The following EFHB variants were observed in gnomAD, a reference collection of about 807,000 sequenced individuals.
EFHB encodes EF-hand domain family member B, also known as EF-hand domain-containing family member B.
Under a neutral mutation model 87.2 loss-of-function variants are expected in EFHB, and 91 were observed. The observed-to-expected ratio is 1.04, with a 90% CI of 0.88 to 1.24. EFHB has a LOEUF of 1.24. EFHB is among the 50% of genes most tolerant of loss of function. EFHB has a pLI of 0.00. For missense variants in EFHB, 1,084 were observed against 998.8 expected (o/e 1.09, Z -1.15); for synonymous variants, 325 against 333.6 (o/e 0.97, Z 0.28).
At chr3:19,922,194 A>T (rs1307548342) in intron 1 of EFHB, among the ~76,000 whole-genome samples, 1 of 152,138 alleles carries the variant, frequency 6.6e-6, no homozygotes, top group African/African-American at 2.4e-5. Flanking sequence ...TTATGAAGGG[A>T]ATCAGAATAT....
intron 1 of EFHB, chr3:19,941,012 C>A (rs1696145912): frequency 1.6e-5 from 5 of 316,910 alleles, no homozygotes; most frequent in Non-Finnish European, 2.4e-5. Context: ...AGCAACAAAT[C>A]TTGAGCATTT....
At position 19,894,995 on chromosome 3, in the gene EFHB, T is replaced by A. The variant is rs1312629803; in HGVS notation, c.1725+1692A>T. 4.6e-4 allele frequency: 67 copies of A among 146,296 alleles called. 1 individual carries two copies. The highest frequency in any genetic ancestry group is 1.5e-3 in the African/African-American group (60 of 39,782). 9.1% of individuals were successfully genotyped at this position (146,296 alleles called of 1,614,324 possible). A position where few individuals can be genotyped will look rare whatever the true frequency, so the allele number is the denominator to read the frequency against. ...GCAAGACTTTGTCTCAAAAAATATA[T>A]ATATGTATATATAAAAATATATAGT... On this transcript the variant is annotated intron_variant, in intron 9 of 12. Coordinates refer to ENST00000295824, the MANE Select transcript of EFHB (RefSeq NM_144715.4).
chr3:19,943,678 T>G (rs553811631), intron 1 of EFHB, among the ~76,000 whole-genome samples: 1 of 152,230 alleles, frequency 6.6e-6, no homozygotes, highest in Non-Finnish European at 1.5e-5. Context: ...ATAGCCTACA[T>G]GCAAATACTA....
chr3:19,898,744 T>C (rs375274365), intron 8 of EFHB, 34 bp downstream of exon 8: 31 of 1,603,512 alleles, frequency 1.9e-5, no homozygotes, highest in Non-Finnish European at 2.5e-5. Flanking sequence ...GCTGTTTGTT[T>C]GGGGTTTTTT....
chr3:19,912,522 G>A (rs917499536), intron 5 of EFHB, among the ~76,000 whole-genome samples: 1 of 152,092 alleles, frequency 6.6e-6, no homozygotes, highest in Non-Finnish European at 1.5e-5. Flanking sequence ...TCACCTGAAG[G>A]TGCAAAACTC....
In EFHB at chr3:19,896,790, T is replaced by C. The variant is rs748020185; in HGVS notation, c.1622A>G (p.Lys541Arg). The change falls in exon 9 of 13, where the codon AAG becomes AGG. Residue 541 changes from lysine to arginine, a missense_variant. Physicochemically the swap from Lys to Arg is conservative, Grantham distance 26. Transcript: ENST00000295824. The stretch of plus-strand genomic sequence containing the variant: ...TGCAATCAGGGCTCGCTGTCTATCC[T>C]TGCCTCGAAGATATTCATCCGGAAG... ...NRLPDEYLRG[K>R]DRQRALIAAV... 1.9e-6 allele frequency: 3 copies of C among 1,614,012 alleles called. No individual in the cohort carries two copies. Among genetic ancestry groups the C allele is most frequent in the South Asian group, 1.1e-5 (1 of 91,080 alleles).
chr3:19,910,162 C>T (rs541571809), intron 5 of EFHB, among the ~76,000 whole-genome samples: 15 of 152,020 alleles, frequency 9.9e-5, no homozygotes, highest in Non-Finnish European at 2.1e-4. Flanking sequence ...TCTTAGGGTT[C>T]CTGATTCCAG....
intron 6 of EFHB, among the ~76,000 whole-genome samples, chr3:19,904,851 G>T (rs1037525457): frequency 6.6e-6 from 1 of 152,048 alleles, no homozygotes; most frequent in Admixed American, 6.6e-5. Context: ...TCAAACCATG[G>T]TACCAGTATC....
intron 1 of EFHB, 35 bp downstream of exon 1, chr3:19,933,184 TGGCTATACACA>T: frequency 1.3e-6 from 2 of 1,538,566 alleles, no homozygotes; most frequent in Non-Finnish European, 8.8e-7. Flanking sequence ...AATAAAGACA[TGGCTATACACA>T]GTTTAGTTCC....
In EFHB at chr3:19,879,665, T is replaced by A; in HGVS notation, c.2468A>T (p.His823Leu). 1 of 1,603,714 alleles carries A rather than the reference T, an allele frequency of 6.2e-7. No homozygotes were observed. The highest frequency in any genetic ancestry group is 8.5e-7 in the Non-Finnish European group (1 of 1,177,024). The change falls in exon 13 of 13, where the codon CAT becomes CTT. Residue 823 changes from histidine to leucine, a missense_variant. Coordinates refer to ENST00000295824, the MANE Select transcript of EFHB (RefSeq NM_144715.4). ...NIRNVLDELR[H>L]ADRIKCKTLM ...TGTTTTACACTTGATCCGGTCTGCA[T>A]GCCGTAGCTCATCTAGAACATTTCT...
At chr3:19,887,601 T>C (rs746167434) in intron 10 of EFHB, among the ~76,000 whole-genome samples, 16 of 152,106 alleles carry the variant, frequency 1.1e-4, no homozygotes, top group Non-Finnish European at 2.2e-4. Context: ...AGAAGACTTA[T>C]CTTGGGCCAC....
chr3:19,935,792 A>G (rs916484128), upstream of EFHB, among the ~76,000 whole-genome samples: 1 of 151,486 alleles, frequency 6.6e-6, no homozygotes, highest in African/African-American at 2.4e-5. Flanking sequence ...CGGGTGGATC[A>G]CGAGGTCAGG....
chr3:19,894,655 T>G lies in EFHB; in HGVS notation c.1725+2032A>C, dbSNP rs375467682. 53 of 152,192 alleles carry G rather than the reference T, an allele frequency of 3.5e-4. 1 individual carries two copies. Among genetic ancestry groups the G allele is most frequent in the African/African-American group, 1.2e-3 (51 of 41,522 alleles). 9.4% of individuals were successfully genotyped at this position (152,192 alleles called of 1,614,324 possible). A position where few individuals can be genotyped will look rare whatever the true frequency, so the allele number is the denominator to read the frequency against. On this transcript the variant is annotated intron_variant, in intron 9 of 12. Transcript: ENST00000295824. ...CTCTCAGAAAAAAAGCTCCTTACGGTGACTGAATGCTACATTGTGCATATT... is the reference window on the plus strand; with the variant it reads ...CTCTCAGAAAAAAAGCTCCTTACGGGGACTGAATGCTACATTGTGCATATT...
At chr3:19,909,374 C>T (rs1262363714) in intron 5 of EFHB, among the ~76,000 whole-genome samples, 1 of 152,074 alleles carries the variant, frequency 6.6e-6, no homozygotes, top group Non-Finnish European at 1.5e-5. Context: ...TTAAATCAGC[C>T]CCACCAGAAA....
chr3:19,936,083 C>CT (rs1197857790), upstream of EFHB: 2 of 1,305,764 alleles, frequency 1.5e-6, no homozygotes, highest in Non-Finnish European at 2.0e-6. Flanking sequence ...ACAAAAACCC[C>CT]TTAAAATCCA....
chr3:19,913,153 T>A (rs1695118113), intron 5 of EFHB, among the ~76,000 whole-genome samples: 2 of 152,088 alleles, frequency 1.3e-5, no homozygotes, highest in Admixed American at 6.6e-5. Context: ...TGATACTGAA[T>A]GGGGAAAGAC....
intron 6 of EFHB, among the ~76,000 whole-genome samples, chr3:19,901,113 G>T (rs892191280): frequency 6.6e-6 from 1 of 152,092 alleles, no homozygotes; most frequent in African/African-American, 2.4e-5. Flanking sequence ...ATTATTTTAT[G>T]TTAGGTGGAA....
chr3:19,884,649 G>A (rs769478858), intron 10 of EFHB, 34 bp from the exon 11 acceptor site: 1 of 1,587,548 alleles, frequency 6.3e-7, no homozygotes, highest in South Asian at 1.1e-5. Flanking sequence ...AAAAATGCAG[G>A]AATACATTAC....
chr3:19,884,582 GC>G lies in EFHB; in HGVS notation c.1966del (p.Ala656LeufsTer12). On this transcript the variant is annotated frameshift_variant, in exon 11 of 13. Coordinates refer to ENST00000295824, the MANE Select transcript of EFHB (RefSeq NM_144715.4). LOFTEE classifies it high-confidence loss of function. ...AGTTTGTTCAGGTTCTTCAACATTA[GC>G]CTCAGTAGGGTTTACACAATCTGGT... ...RKPDCVNPTE[A>X]NVEEPEQTLL... 2.5e-6 allele frequency: 4 copies of G among 1,613,876 alleles called. No homozygotes were observed. Among genetic ancestry groups the G allele is most frequent in the Non-Finnish European group, 2.5e-6 (3 of 1,179,874 alleles).
Sources: allele counts gnomAD v4.1 joint callset (sites outside exome capture counted in the v4.1 genomes callset), GRCh38; gene constraint gnomAD v4.1.1; transcripts MANE v1.5; gene names NCBI Gene and HGNC (gene_info 2026-07-23, HGNC 2026-07-21).